GPC1: variants seen among roughly 807,000 people sequenced by gnomAD.
GPC1 encodes glypican 1.
GPC1 carries 26 observed loss-of-function variants against 51.5 expected under a neutral mutation model. That is an observed-to-expected ratio of 0.50 (90% CI 0.37 to 0.70). The LOEUF is 0.70. Among genes scored for constraint, GPC1 ranks in the 30% least tolerant of loss-of-function variants. The pLI is 0.00. For missense variants in GPC1, 775 were observed against 800.5 expected (o/e 0.97, Z 0.38); for synonymous variants, 380 against 348.3 (o/e 1.09, Z -1.01).
At chr2:240,436,660 C>T (rs919331915) in intron 1 of GPC1, among the ~76,000 whole-genome samples, 2 of 152,368 alleles carry the variant, frequency 1.3e-5, no homozygotes, top group East Asian at 1.9e-4. Context: ...CTGACCCCCT[C>T]GGGGGGTAGT....
chr2:240,464,548 CG>C, intron 4 of GPC1, 67 bp from the exon 5 acceptor site: 1 of 290,696 alleles, frequency 3.4e-6, no homozygotes, highest in Non-Finnish European at 5.1e-6. Context: ...GTGACGCCTG[CG>C]TGTGCGTGTC....
intron 4 of GPC1, 57 bp downstream of exon 4, chr2:240,463,569 G>A: frequency 2.7e-6 from 4 of 1,483,968 alleles, no homozygotes; most frequent in Non-Finnish European, 3.7e-6. Context: ...CACGACTGGG[G>A]GTCCTGGGGG....
At chr2:240,452,221 A>G (rs1170159070) in intron 1 of GPC1, 3 of 152,856 alleles carry the variant, frequency 2.0e-5, no homozygotes, top group African/African-American at 7.2e-5. Context: ...GGCGCACAGC[A>G]TAGACCTCCC....
At chr2:240,463,546 G>A in intron 4 of GPC1, 34 bp downstream of exon 4, 2 of 1,596,268 alleles carry the variant, frequency 1.3e-6, no homozygotes, top group African/African-American at 1.3e-5. Context: ...GCCTGGAACT[G>A]TCTTGGGGAG....
intron 3 of GPC1, 34 bp downstream of exon 3, chr2:240,462,616 C>T: frequency 6.7e-7 from 1 of 1,496,030 alleles, no homozygotes; most frequent in Non-Finnish European, 8.9e-7. Flanking sequence ...TCAGAAACCC[C>T]TCCAGACCCC....
At chr2:240,449,816 G>A (rs757946165) in intron 1 of GPC1, 3 of 468,976 alleles carry the variant, frequency 6.4e-6, no homozygotes, top group South Asian at 1.5e-5. Flanking sequence ...CTGTCCTTTC[G>A]TGTCTGGCTT....
rs2074251000 is a variant in GPC1 at position 240,465,227 on chromosome 2, C to G, written c.1268+17C>G. 1 of 1,592,274 alleles carries G rather than the reference C, an allele frequency of 6.3e-7. No homozygotes were observed. Among genetic ancestry groups the G allele is most frequent in the Non-Finnish European group, 8.6e-7 (1 of 1,169,046 alleles). On this transcript the variant is annotated intron_variant, in intron 7 of 8. Transcript: ENST00000264039. Reference sequence around the variant, plus strand: ...CAGAGGCCGGTAGGTGCCCACCTGGCTGGCACAGCCCTCCCTCCCATGCCG... The same window carrying G: ...CAGAGGCCGGTAGGTGCCCACCTGGGTGGCACAGCCCTCCCTCCCATGCCG...
intron 4 of GPC1, 60 bp from the exon 5 acceptor site, chr2:240,464,556 T>C (rs1574779913): frequency 3.4e-6 from 1 of 294,892 alleles, no homozygotes; most frequent in Non-Finnish European, 5.0e-6. Flanking sequence ...TGCGTGTGCG[T>C]GTCAACGCCT....
intron 1 of GPC1, among the ~76,000 whole-genome samples, chr2:240,443,139 G>A (rs944848760): frequency 2.6e-5 from 4 of 152,276 alleles, no homozygotes; most frequent in African/African-American, 4.8e-5. Context: ...CGCCTGTGCC[G>A]TCACAGAACT....
rs758147245 is a variant in GPC1, at chr2:240,462,269, C to T, written c.404C>T (p.Thr135Met). 6.8e-6 allele frequency: 11 copies of T among 1,610,260 alleles called. No individual in the cohort carries two copies. The highest frequency in any genetic ancestry group is 5.3e-5 in the African/African-American group (4 of 74,880). The change falls in exon 3 of 9, where the codon ACG becomes ATG. Residue 135 changes from threonine to methionine, a missense_variant. By Grantham distance (81) the Thr-to-Met change is moderately conservative. Coordinates refer to ENST00000264039, the MANE Select transcript of GPC1 (RefSeq NM_002081.3). The part of the protein sequence containing the change: ...TFPGAFGELY[T>M]QNARAFRDLY... ...CCCGGCGCCTTCGGAGAGCTGTACA[C>T]GCAGAACGCGAGGGCCTTCCGGGAC...
At chr2:240,449,317 C>CCA (rs202117900) in intron 1 of GPC1, 3 of 142,954 alleles carry the variant, frequency 2.1e-5, no homozygotes, top group Admixed American at 6.9e-5. Flanking sequence ...GCAGGCGCCC[C>CCA]CCCCCACCCC....
intron 1 of GPC1, among the ~76,000 whole-genome samples, chr2:240,457,669 G>A (rs2074179321): frequency 6.6e-6 from 1 of 152,134 alleles, no homozygotes; most frequent in African/African-American, 2.4e-5. Flanking sequence ...AGCTCCCCCA[G>A]GACAGCCTCG....
At chr2:240,453,929 T>A (rs2074130998) in intron 1 of GPC1, among the ~76,000 whole-genome samples, 10 of 152,110 alleles carry the variant, frequency 6.6e-5, no homozygotes, top group Admixed American at 6.5e-4. Context: ...TTAGCCGGCC[T>A]GGGGCGCGGA....
In GPC1 at chr2:240,459,159, T is replaced by C. The variant is rs6717362; in HGVS notation, c.296T>C (p.Met99Thr). ...GACAGCAGCCGCGTCCTGCAGGCCA[T>C]GCTTGCCACCCAGCTGCGCAGCTTC... ...LRDSSRVLQA[M>T]LATQLRSFDD... Residue 99 changes from methionine to threonine, a missense_variant, in exon 2 of 9, where the codon ATG (methionine) becomes ACG (threonine). By Grantham distance (81) the Met-to-Thr change is moderately conservative. Transcript: ENST00000264039. The C allele has an allele frequency of 7.1e-5, 114 of 1,612,346 alleles. No individual in the cohort carries two copies. In the African/African-American group the frequency reaches 1.5e-3, roughly 21 times the overall value.
At position 240,466,084 on chromosome 2, in the gene GPC1, G is replaced by A. The variant is rs149996819; in HGVS notation, c.1471G>A (p.Gly491Ser). The A allele has an allele frequency of 3.3e-4, 534 of 1,611,890 alleles. No homozygotes were observed. Among genetic ancestry groups the A allele is most frequent in the Non-Finnish European group, 4.3e-4 (502 of 1,179,498 alleles). Residue 491 changes from glycine to serine, a missense_variant, in exon 9 of 9, where the codon GGT (glycine) becomes AGT (serine). Coordinates refer to ENST00000264039, the MANE Select transcript of GPC1 (RefSeq NM_002081.3). ...TGACGACGGCAGCGGCTCGGGCAGC[G>A]GTGATGGCTGTCTGGATGACCTCTG... is the stretch of plus-strand genomic sequence containing the variant. ...ASDDGSGSGS[G>S]DGCLDDLCSR... is the part of the protein sequence containing the mutation.
chr2:240,440,305 C>T (rs562044738), intron 1 of GPC1, among the ~76,000 whole-genome samples: 9 of 152,210 alleles, frequency 5.9e-5, no homozygotes, highest in South Asian at 2.1e-4. Flanking sequence ...ACACATCAGA[C>T]GGAAGGGGTC....
intron 1 of GPC1, among the ~76,000 whole-genome samples, chr2:240,447,426 GGCCGGCGTGGA>G (rs994505567): frequency 2.0e-5 from 3 of 152,220 alleles, no homozygotes; most frequent in Non-Finnish European, 4.4e-5. Flanking sequence ...GCTGCTCTGA[GGCCGGCGTGGA>G]GCCGGCGGAT....
chr2:240,453,575 G>T (rs1233907796), intron 1 of GPC1, among the ~76,000 whole-genome samples: 1 of 105,638 alleles, frequency 9.5e-6, no homozygotes, highest in African/African-American at 3.7e-5. Context: ...CGCACCCGCT[G>T]CGACAAGCCC....
At chr2:240,463,848 A>G (rs564987618) in intron 4 of GPC1, 2 of 343,630 alleles carry the variant, frequency 5.8e-6, no homozygotes, top group African/African-American at 4.2e-5. Flanking sequence ...TAACACATAC[A>G]TGCACCGTCA....
Sources: gnomAD v4.1 joint callset for allele counts (sites outside exome capture counted in the v4.1 genomes callset) on GRCh38, gnomAD v4.1.1 for gene constraint, MANE v1.5 for transcripts, NCBI Gene and HGNC (gene_info 2026-07-23, HGNC 2026-07-21) for gene names.